The following SCAF11 variants were observed in gnomAD, a reference collection of about 807,000 sequenced individuals.
SCAF11 encodes protein SCAF11.
A neutral mutation model predicts 140.5 loss-of-function variants in SCAF11; 47 were observed. The ratio of observed to expected loss-of-function variants is 0.33; its 90% confidence interval spans 0.26 to 0.43. SCAF11 has a LOEUF of 0.43. Ranked by LOEUF, SCAF11 falls within the 20% of genes least tolerant of loss-of-function variation. SCAF11 has a pLI of 1.00. For synonymous variants in SCAF11, 557 were observed against 579.4 expected, an observed-to-expected ratio of 0.96 and a Z score of 0.55; for missense variants, 1,645 against 1,705.1, an observed-to-expected ratio of 0.96 and a Z score of 0.62.
intron 6 of SCAF11, among the ~76,000 whole-genome samples, chr12:45,939,183 T>C (rs983603562): frequency 6.6e-6 from 1 of 151,768 alleles, no homozygotes; most frequent in African/African-American, 2.4e-5. Flanking sequence ...CTCAAGGGGC[T>C]TGACTTCCAG....
Position 45,990,361 on chromosome 12 carries a change from G to C in SCAF11, c.-30C>G, listed in dbSNP as rs963551175. 2 of 1,232,036 alleles carry C rather than the reference G, an allele frequency of 1.6e-6. No individual in the cohort carries two copies. The highest frequency in any genetic ancestry group is 4.1e-5 in the South Asian group (1 of 24,328). 76.3% of individuals were successfully genotyped at this position (1,232,036 alleles called of 1,614,324 possible). A position where few individuals can be genotyped will look rare whatever the true frequency, so the allele number is the denominator to read the frequency against. On this transcript the variant is annotated 5_prime_UTR_variant, in exon 1 of 15. Coordinates refer to ENST00000369367, the MANE Select transcript of SCAF11 (RefSeq NM_004719.3). ...GGTCGACCAGTGTTTACCTCAGACC[G>C]AGGTCGAGGCGCTCGGTCCGGCCGC...
At chr12:45,953,775 GTC>G in intron 3 of SCAF11, 1 of 447,668 alleles carries the variant, frequency 2.2e-6, no homozygotes, top group South Asian at 1.9e-5. Flanking sequence ...GCAAGTTACA[GTC>G]TCTCTGTGCC....
intron 1 of SCAF11, among the ~76,000 whole-genome samples, chr12:45,981,032 A>G (rs1480773667): frequency 6.6e-6 from 1 of 152,234 alleles, no homozygotes; most frequent in Non-Finnish European, 1.5e-5. Context: ...AAATAAAGAA[A>G]TATTGTCAAA....
rs80339178 is a variant in SCAF11 at position 45,956,329 on chromosome 12, A to G, written c.220-4602T>C. 6.7e-5 allele frequency: 40 copies of G among 596,460 alleles called. No individual in the cohort carries two copies. The East Asian group carries it at 1.1e-3, about 17-fold the overall frequency. 36.9% of individuals were successfully genotyped at this position (596,460 alleles called of 1,614,324 possible). A position where few individuals can be genotyped will look rare whatever the true frequency, so the allele number is the denominator to read the frequency against. ...ACTAACAAAATAGAGCATGTTATAC[A>G]AAATTCTAGTTCAAAATCAAATAAA... On this transcript the variant is annotated intron_variant, in intron 3 of 14. Coordinates refer to ENST00000369367, the MANE Select transcript of SCAF11 (RefSeq NM_004719.3).
In SCAF11 at chr12:45,921,603, ATTAT is replaced by A. The variant is rs1383797353; in HGVS notation, c.*441_*444del. On this transcript the variant is annotated 3_prime_UTR_variant, in exon 15 of 15. Transcript: ENST00000369367. ...TTAGAAACATTTTTCATGGTAATAC[ATTAT>A]TTAACTTTCTATAATTAGAGGGAAA... 2 of 152,874 alleles carry A rather than the reference ATTAT, an allele frequency of 1.3e-5. No homozygotes were observed. Among genetic ancestry groups the A allele is most frequent in the East Asian group, 1.9e-4 (1 of 5,210 alleles). 9.5% of individuals were successfully genotyped at this position (152,874 alleles called of 1,614,324 possible). A position where few individuals can be genotyped will look rare whatever the true frequency, so the allele number is the denominator to read the frequency against.
chr12:45,982,504 C>T (rs189178636), intron 1 of SCAF11, among the ~76,000 whole-genome samples: 3 of 152,146 alleles, frequency 2.0e-5, no homozygotes, highest in East Asian at 3.9e-4. Context: ...GTCAGGAGTT[C>T]GAGATCAGCC....
At chr12:45,936,147 G>GT (rs1414313412) in intron 6 of SCAF11, among the ~76,000 whole-genome samples, 2,211 of 140,208 alleles carry the variant, frequency 0.016, 39 homozygotes, top group African/African-American at 0.044. Context: ...GGTTTTTTTT[G>GT]TTTTTTTTTT....
intron 3 of SCAF11, among the ~76,000 whole-genome samples, chr12:45,957,099 T>C (rs1306462363): frequency 6.6e-6 from 1 of 152,188 alleles, no homozygotes; most frequent in Non-Finnish European, 1.5e-5. Context: ...TTAAAAAATG[T>C]ATCTGACAAT....
At chr12:45,974,284 GCTGA>G (rs1946183176) in intron 1 of SCAF11, 2 of 465,300 alleles carry the variant, frequency 4.3e-6, no homozygotes, top group Non-Finnish European at 8.8e-6. Flanking sequence ...GTTGATGGTT[GCTGA>G]CTAATCACAG....
intron 12 of SCAF11, 140 bp downstream of exon 12, chr12:45,924,588 G>T (rs756485836): frequency 2.1e-5 from 14 of 661,262 alleles, no homozygotes; most frequent in African/African-American, 3.6e-5. Flanking sequence ...GTGAAAGAGG[G>T]ATTATGAAGG....
At chr12:45,983,476 G>A (rs766314011) in intron 1 of SCAF11, among the ~76,000 whole-genome samples, 9 of 151,856 alleles carry the variant, frequency 5.9e-5, no homozygotes, top group South Asian at 2.1e-4. Context: ...ACCAGAACAC[G>A]ATACATTTAA....
intron 10 of SCAF11, 27 bp from the exon 11 acceptor site, chr12:45,928,886 A>G (rs1275486730): frequency 3.2e-6 from 4 of 1,240,326 alleles, no homozygotes; most frequent in South Asian, 3.9e-5. Context: ...AAAAAAAAAA[A>G]GTAAAAAATA....
At chr12:45,959,927 T>C (rs1447307424) in intron 3 of SCAF11, among the ~76,000 whole-genome samples, 2 of 152,216 alleles carry the variant, frequency 1.3e-5, no homozygotes, top group Admixed American at 1.3e-4. Flanking sequence ...CCTCCCTGCC[T>C]ACCCAGCATC....
intron 1 of SCAF11, among the ~76,000 whole-genome samples, chr12:45,970,933 C>A (rs182245176): frequency 1.3e-5 from 2 of 152,300 alleles, no homozygotes; most frequent in East Asian, 3.9e-4. Context: ...TGTCACCTCA[C>A]ACTATGCTCT....
chr12:45,945,466 T>C (rs1945399924), intron 5 of SCAF11, among the ~76,000 whole-genome samples, 153 bp from the exon 6 acceptor site: 1 of 152,052 alleles, frequency 6.6e-6, no homozygotes, highest in African/African-American at 2.4e-5. Context: ...AAGGATATTC[T>C]CACAGACTCC....
At chr12:45,937,088 T>C (rs762022678) in intron 6 of SCAF11, among the ~76,000 whole-genome samples, 4 of 152,146 alleles carry the variant, frequency 2.6e-5, no homozygotes, top group Non-Finnish European at 4.4e-5. Context: ...TTTCTTCATA[T>C]CTGGACACCT....
At chr12:45,953,975 G>T in intron 3 of SCAF11, 2 of 332,194 alleles carry the variant, frequency 6.0e-6, no homozygotes, top group Non-Finnish European at 9.1e-6. Flanking sequence ...ACATATACAA[G>T]TGAGAGACAT....
intron 3 of SCAF11, among the ~76,000 whole-genome samples, chr12:45,958,773 A>T (rs1945757760): frequency 6.6e-6 from 1 of 152,204 alleles, no homozygotes; most frequent in Non-Finnish European, 1.5e-5. Flanking sequence ...GAGGATTCTG[A>T]CATACCCAAA....
At chr12:45,933,948 C>G (rs1246395314) in intron 8 of SCAF11, among the ~76,000 whole-genome samples, 1 of 152,026 alleles carries the variant, frequency 6.6e-6, no homozygotes, top group Non-Finnish European at 1.5e-5. Flanking sequence ...GAAAACAAAG[C>G]ACACTGGCAT....
Sources: gnomAD v4.1 joint callset for allele counts (sites outside exome capture counted in the v4.1 genomes callset) on GRCh38, gnomAD v4.1.1 for gene constraint, MANE v1.5 for transcripts, NCBI Gene and HGNC (gene_info 2026-07-23, HGNC 2026-07-21) for gene names.